The following MRTFA variants were observed in gnomAD, a reference collection of about 807,000 sequenced individuals.
MRTFA encodes the protein myocardin-related transcription factor A.
In MRTFA, 20 loss-of-function variants were observed where a neutral mutation model predicts 83.5. The observed-to-expected ratio is 0.24, with a 90% confidence interval of 0.17 to 0.35. The LOEUF (loss-of-function observed/expected upper bound fraction) is 0.35, where lower values mean the gene tolerates loss of function less well. MRTFA is among the 10% of genes least tolerant of loss of function. MRTFA has a pLI of 1.00. For synonymous variants in MRTFA, 659 were observed against 541.2 expected (o/e 1.22, Z -3.02); for missense variants, 1,200 against 1,224.7 (o/e 0.98, Z 0.30).
chr22:40,541,118 A>T (rs1270821107), intron 3 of MRTFA, among the ~76,000 whole-genome samples: 1 of 152,194 alleles, frequency 6.6e-6, no homozygotes, highest in African/African-American at 2.4e-5. Context: ...GAGAACGAAA[A>T]TGCTGAAATT....
At chr22:40,543,029 T>G (rs1351771496) in intron 3 of MRTFA, among the ~76,000 whole-genome samples, 1 of 152,196 alleles carries the variant, frequency 6.6e-6, no homozygotes, top group Non-Finnish European at 1.5e-5. Context: ...TAAGTAAGAA[T>G]GAGAAATTGA....
chr22:40,415,710 C>G (rs948030682), intron 14 of MRTFA, among the ~76,000 whole-genome samples: 2 of 152,090 alleles, frequency 1.3e-5, no homozygotes, highest in Non-Finnish European at 2.9e-5. Flanking sequence ...AGCATCTGCC[C>G]TACCTCCTTC....
chr22:40,503,894 C>T (rs969589643), intron 3 of MRTFA, among the ~76,000 whole-genome samples: 4 of 151,896 alleles, frequency 2.6e-5, no homozygotes, highest in Admixed American at 1.3e-4. Context: ...TGCACTTCAG[C>T]CTGGGCAACA....
chr22:40,499,109 C>A (rs1026092345), intron 3 of MRTFA, among the ~76,000 whole-genome samples: 1 of 152,148 alleles, frequency 6.6e-6, no homozygotes, highest in African/African-American at 2.4e-5. Flanking sequence ...TAAAAATGAT[C>A]TGTTTAACAT....
intron 3 of MRTFA, among the ~76,000 whole-genome samples, chr22:40,490,626 G>T (rs182582457): frequency 1.3e-5 from 2 of 150,290 alleles, no homozygotes; most frequent in African/African-American, 4.9e-5. Flanking sequence ...AAGAAAAGAA[G>T]AAAAAAAATA....
At chr22:40,519,556 A>G in intron 3 of MRTFA, 1 of 1,349,718 alleles carries the variant, frequency 7.4e-7, no homozygotes, top group Non-Finnish European at 9.8e-7. Flanking sequence ...AAAGCACTCC[A>G]AAGTGGAGGT....
At chr22:40,444,881 A>G (rs539920320) in intron 4 of MRTFA, among the ~76,000 whole-genome samples, 1 of 152,158 alleles carries the variant, frequency 6.6e-6, no homozygotes, top group African/African-American at 2.4e-5. Flanking sequence ...CAGCTTGGGC[A>G]ATGTGGCGGC....
chr22:40,614,492 T>C (rs2056426711), intron 1 of MRTFA, among the ~76,000 whole-genome samples: 1 of 152,190 alleles, frequency 6.6e-6, no homozygotes, highest in African/African-American at 2.4e-5. Context: ...ATAAATATTT[T>C]TTCTTTTTCT....
At chr22:40,482,969 T>A (rs909279089) in intron 3 of MRTFA, among the ~76,000 whole-genome samples, 1 of 152,036 alleles carries the variant, frequency 6.6e-6, no homozygotes, top group Non-Finnish European at 1.5e-5. Context: ...CATCTGGTTG[T>A]GTGTGCCTGT....
At chr22:40,552,681 C>A (rs1048885715) in intron 2 of MRTFA, among the ~76,000 whole-genome samples, 1 of 152,220 alleles carries the variant, frequency 6.6e-6, no homozygotes, top group Admixed American at 6.5e-5. Flanking sequence ...CCTCCCCAGC[C>A]CTGTGGAACT....
intron 3 of MRTFA, among the ~76,000 whole-genome samples, chr22:40,502,785 CAA>C (rs1466368429): frequency 2.3e-4 from 35 of 152,080 alleles, no homozygotes; most frequent in African/African-American, 8.5e-4. Context: ...GGCGCGGCGG[CAA>C]AGACTGAGAC....
chr22:40,491,004 T>C (rs907220597), intron 3 of MRTFA, among the ~76,000 whole-genome samples: 1 of 151,620 alleles, frequency 6.6e-6, no homozygotes, highest in Admixed American at 6.6e-5. Flanking sequence ...ATAACTCAAA[T>C]GTGTCCATTC....
At chr22:40,483,014 A>G (rs2054116243) in intron 3 of MRTFA, among the ~76,000 whole-genome samples, 1 of 152,000 alleles carries the variant, frequency 6.6e-6, no homozygotes, top group African/African-American at 2.4e-5. Context: ...GCAGTGAGCC[A>G]CCACTGTGCC....
At chr22:40,566,602 C>G (rs1328832071) in intron 2 of MRTFA, among the ~76,000 whole-genome samples, 8 of 152,084 alleles carry the variant, frequency 5.3e-5, no homozygotes, top group Non-Finnish European at 1.5e-5. Flanking sequence ...AGGCCCAAGG[C>G]TGATGGATCA....
At chr22:40,514,776 A>G (rs916172196) in intron 3 of MRTFA, among the ~76,000 whole-genome samples, 3 of 151,840 alleles carry the variant, frequency 2.0e-5, no homozygotes, top group Non-Finnish European at 4.4e-5. Flanking sequence ...CACCACGCCC[A>G]GCCCTTCCTA....
chr22:40,438,921 G>T (rs1448204770), intron 4 of MRTFA, among the ~76,000 whole-genome samples: 1 of 152,132 alleles, frequency 6.6e-6, no homozygotes, highest in Non-Finnish European at 1.5e-5. Flanking sequence ...TTCATGTAAT[G>T]GCAAGAAAGG....
At chr22:40,574,933 TCAGGGACCACCAG>T (rs1203709776) in intron 2 of MRTFA, among the ~76,000 whole-genome samples, 6 of 152,148 alleles carry the variant, frequency 3.9e-5, no homozygotes, top group African/African-American at 1.4e-4. Context: ...AAAAGTGAAA[TCAGGGACCACCAG>T]CAGTCCATCT....
intron 3 of MRTFA, among the ~76,000 whole-genome samples, chr22:40,465,466 G>A (rs2053797951): frequency 6.6e-6 from 1 of 152,150 alleles, no homozygotes; most frequent in Non-Finnish European, 1.5e-5. Flanking sequence ...TACAATAATA[G>A]CTGACACTTA....
chr22:40,560,436 A>G (rs2055596538), intron 2 of MRTFA, among the ~76,000 whole-genome samples: 2 of 152,200 alleles, frequency 1.3e-5, no homozygotes, highest in African/African-American at 4.8e-5. Flanking sequence ...TAACAAACAC[A>G]CTACTCTCTA....
Sources: allele counts gnomAD v4.1 joint callset (sites outside exome capture counted in the v4.1 genomes callset), GRCh38; gene constraint gnomAD v4.1.1; transcripts MANE v1.5; gene names NCBI Gene and HGNC (gene_info 2026-07-23, HGNC 2026-07-21).